The following SLC25A53 variants were observed in gnomAD, a reference collection of about 807,000 sequenced individuals.
SLC25A53 encodes mitochondrial carrier triple repeat protein 6.
Under a neutral mutation model 15.0 loss-of-function variants are expected in SLC25A53, and 5 were observed. The observed-to-expected ratio is 0.33, with a 90% CI of 0.17 to 0.70. The LOEUF is 0.70. SLC25A53 is among the 30% of genes least tolerant of loss of function. SLC25A53 has a pLI of 0.67. For synonymous variants in SLC25A53, 95 were observed against 100.0 expected (o/e 0.95, Z 0.30); for missense variants, 216 against 241.6 (o/e 0.89, Z 0.70).
At chrX:104,150,379 G>T (rs2075481326) in intron 1 of SLC25A53, among the ~76,000 whole-genome samples, 1 of 111,449 alleles carries the variant, frequency 9.0e-6, no homozygotes, top group Non-Finnish European at 1.9e-5. Flanking sequence ...ACCCAGTGCT[G>T]ATCACTCTGG....
At chrX:104,130,231 C>T (rs1235063466) in intron 1 of SLC25A53, among the ~76,000 whole-genome samples, 6 of 111,072 alleles carry the variant, frequency 5.4e-5, no homozygotes, top group African/African-American at 2.0e-4. Context: ...ATTGTAACAT[C>T]AACAGCTCTT....
intron 1 of SLC25A53, among the ~76,000 whole-genome samples, chrX:104,146,550 G>C (rs2075467672): frequency 8.9e-6 from 1 of 111,879 alleles, no homozygotes; most frequent in Admixed American, 9.5e-5. Flanking sequence ...TGTATATCTA[G>C]AAAACCCCAT....
At position 104,100,895 on chromosome X, in the gene SLC25A53, G is replaced by T. The variant is rs1458328085; in HGVS notation, c.*3439C>A. 4.5e-5 allele frequency: 5 copies of T among 111,271 alleles called. No homozygotes were observed. Among genetic ancestry groups the T allele is most frequent in the Non-Finnish European group, 9.4e-5 (5 of 53,072 alleles). 9.2% of individuals were successfully genotyped at this position (111,271 alleles called of 1,213,427 possible). A position where few individuals can be genotyped will look rare whatever the true frequency, so the allele number is the denominator to read the frequency against. On this transcript the variant is annotated 3_prime_UTR_variant, in exon 2 of 2. Coordinates refer to ENST00000594199, the MANE Select transcript of SLC25A53 (RefSeq NM_001012755.5). ...TCAGTTCTGCAGCGAACACCAGCTG[G>T]GTGTACTCCAATTCCATTCTGACAC... is the stretch of plus-strand genomic sequence containing the variant.
chrX:104,149,062 C>G (rs1044294434), intron 1 of SLC25A53, among the ~76,000 whole-genome samples: 58 of 112,014 alleles, frequency 5.2e-4, no homozygotes, highest in African/African-American at 1.8e-3. Context: ...ATTATCTTCC[C>G]ATTTTCCCCT....
At position 104,115,335 on chromosome X, in the gene SLC25A53, A is replaced by C. The variant is rs782010176; in HGVS notation, c.-31-10047T>G. On this transcript the variant is annotated intron_variant, in intron 1 of 1. Coordinates refer to ENST00000594199, the MANE Select transcript of SLC25A53 (RefSeq NM_001012755.5). ...CTGAGCCACAGTAAGGATCTAGTCC[A>C]GCCCTAAATGAGTCCTTGACTGTAT... 3 of 1,144,567 alleles carry C rather than the reference A, an allele frequency of 2.6e-6. No homozygotes were observed. In the African/African-American group the frequency reaches 5.5e-5, roughly 21 times the overall value. The allele number at this position is 1,144,567 out of a possible 1,213,427, so 94.3% of individuals were successfully genotyped here.
At chrX:104,132,192 T>C (rs2075427162) in intron 1 of SLC25A53, among the ~76,000 whole-genome samples, 1 of 112,324 alleles carries the variant, frequency 8.9e-6, no homozygotes, top group African/African-American at 3.2e-5. Context: ...ACACATTTTT[T>C]TGTAAAGCAG....
chrX:104,123,530 T>C (rs2075401013), intron 1 of SLC25A53, among the ~76,000 whole-genome samples: 1 of 106,627 alleles, frequency 9.4e-6, no homozygotes, highest in Non-Finnish European at 1.9e-5. Flanking sequence ...TTCTGTGTAG[T>C]TTGCTGATTT....
intron 1 of SLC25A53, among the ~76,000 whole-genome samples, chrX:104,119,418 C>T (rs782529161): frequency 9.8e-5 from 11 of 111,715 alleles, no homozygotes; most frequent in Non-Finnish European, 2.1e-4. Flanking sequence ...ACTCAGAAGA[C>T]AGCATTAACA....
intron 1 of SLC25A53, among the ~76,000 whole-genome samples, chrX:104,123,705 C>T (rs1556363553): frequency 9.0e-6 from 1 of 110,541 alleles, no homozygotes; most frequent in African/African-American, 3.3e-5. Context: ...AATGCTATCC[C>T]TCCTCTAGCC....
intron 1 of SLC25A53, among the ~76,000 whole-genome samples, chrX:104,122,295 CTTTTTTTTGTTTT>C (rs1433810585): frequency 7.5e-4 from 68 of 90,736 alleles, no homozygotes; most frequent in Admixed American, 1.4e-3. Flanking sequence ...TGTCTGATTT[CTTTTTTTTGTTTT>C]TTTTTTTTGT....
chrX:104,143,280 A>C (rs1347036955), intron 1 of SLC25A53, among the ~76,000 whole-genome samples: 1 of 111,830 alleles, frequency 8.9e-6, no homozygotes, highest in East Asian at 2.8e-4. Flanking sequence ...TAGGCTTCAG[A>C]AGGTGGGTAA....
intron 1 of SLC25A53, among the ~76,000 whole-genome samples, chrX:104,155,965 T>A (rs1374562681): frequency 9.7e-6 from 1 of 102,813 alleles, no homozygotes; most frequent in African/African-American, 3.7e-5. Flanking sequence ...GGCAGGAGAA[T>A]CACTTGAACC....
At chrX:104,116,507 C>T (rs1248033881) in intron 1 of SLC25A53, among the ~76,000 whole-genome samples, 2 of 110,459 alleles carry the variant, frequency 1.8e-5, no homozygotes, top group Non-Finnish European at 3.8e-5. Flanking sequence ...GACAGGAGGA[C>T]AGGGGAGAGG....
At chrX:104,136,846 T>C (rs782304989) in intron 1 of SLC25A53, among the ~76,000 whole-genome samples, 1 of 111,783 alleles carries the variant, frequency 8.9e-6, no homozygotes, top group Non-Finnish European at 1.9e-5. Context: ...ACCCAACAAA[T>C]TTGTAAGTGT....
chrX:104,141,189 T>G (rs1432519499), intron 1 of SLC25A53, among the ~76,000 whole-genome samples: 10 of 111,929 alleles, frequency 8.9e-5, no homozygotes, highest in Non-Finnish European at 1.9e-4. Context: ...GCAAGAACAC[T>G]GATCTTTGTG....
chrX:104,100,214 T>C lies in SLC25A53; in HGVS notation c.*4120A>G, dbSNP rs1378647494. ...TATAATGATTTGTCATAAAACGTTATTATTTCAACTTGAGCTTTATAAAAG... is the reference window on the plus strand; with the variant it reads ...TATAATGATTTGTCATAAAACGTTACTATTTCAACTTGAGCTTTATAAAAG... On this transcript the variant is annotated 3_prime_UTR_variant, in exon 2 of 2. Coordinates refer to ENST00000594199, the MANE Select transcript of SLC25A53 (RefSeq NM_001012755.5). 4 of 112,008 alleles carry C rather than the reference T, an allele frequency of 3.6e-5. No individual in the cohort carries two copies. Among genetic ancestry groups the C allele is most frequent in the African/African-American group, 1.3e-4 (4 of 30,859 alleles). The allele number at this position is 112,008 out of a possible 1,213,427, so 9.2% of individuals were successfully genotyped here.
chrX:104,145,737 C>T (rs1556368625), intron 1 of SLC25A53, among the ~76,000 whole-genome samples: 1 of 112,177 alleles, frequency 8.9e-6, no homozygotes, highest in Admixed American at 9.5e-5. Flanking sequence ...TGCACACATA[C>T]ACCTTCCCAA....
chrX:104,104,167 G>C lies in SLC25A53; in HGVS notation c.*167C>G. ...CTTTTTGACTAAGGAATACTTTTGG[G>C]CTTTGTCCTTGCTCAACAGGTTGGT... On this transcript the variant is annotated 3_prime_UTR_variant, in exon 2 of 2. Transcript: ENST00000594199. 1 of 458,792 alleles carries C rather than the reference G, an allele frequency of 2.2e-6. No individual in the cohort carries two copies. Among genetic ancestry groups the C allele is most frequent in the Admixed American group, 4.0e-5 (1 of 24,814 alleles). The allele number at this position is 458,792 out of a possible 1,213,427, so 37.8% of individuals were successfully genotyped here.
intron 1 of SLC25A53, among the ~76,000 whole-genome samples, chrX:104,148,484 C>T (rs782212580): frequency 4.6e-5 from 5 of 108,655 alleles, no homozygotes; most frequent in Non-Finnish European, 7.6e-5. Flanking sequence ...ACATATACAC[C>T]GTGGAATACT....
Sources: allele counts gnomAD v4.1 joint callset (sites outside exome capture counted in the v4.1 genomes callset), GRCh38; gene constraint gnomAD v4.1.1; transcripts MANE v1.5; gene names NCBI Gene and HGNC (gene_info 2026-07-23, HGNC 2026-07-21).